Variants in HECW1 observed in about 807,000 individuals in gnomAD.
The protein encoded by HECW1 is HECT, C2 and WW domain containing E3 ubiquitin protein ligase 1.
In HECW1, 61 loss-of-function variants were observed where a neutral mutation model predicts 182.3. That is an observed-to-expected ratio of 0.33 (90% CI 0.27 to 0.41). HECW1 has a LOEUF of 0.41. HECW1 is among the 10% of genes least tolerant of loss of function. The pLI, the probability that HECW1 is intolerant of heterozygous loss-of-function variation, is 1.00. For missense variants in HECW1, 1,739 were observed against 2,108.9 expected, an observed-to-expected ratio of 0.82 and a Z score of 3.44; for synonymous variants, 859 against 832.6, an observed-to-expected ratio of 1.03 and a Z score of -0.55.
chr7:43,324,635 A>T (rs1810556392), intron 5 of HECW1, among the ~76,000 whole-genome samples: 1 of 152,190 alleles, frequency 6.6e-6, no homozygotes, highest in African/African-American at 2.4e-5. Flanking sequence ...ATGAACTAAA[A>T]ATAAGACTCT....
chr7:43,221,661 C>A (rs1796984656), intron 2 of HECW1, among the ~76,000 whole-genome samples: 1 of 141,330 alleles, frequency 7.1e-6, no homozygotes, highest in South Asian at 2.3e-4. Context: ...TCATGTCATT[C>A]TCCTGCCTCA....
At position 43,469,001 on chromosome 7, in the gene HECW1, C is replaced by T. The variant is rs760980182; in HGVS notation, c.2995C>T (p.Arg999Cys). The change falls in exon 16 of 30, where the codon CGC (arginine) becomes TGC (cysteine). Residue 999 changes from arginine (R) to cysteine (C), a missense_variant. Arg to Cys is a radical substitution (Grantham distance 180, BLOSUM62 -3). This residue lies in a region of HECW1 where 971 missense variants were observed against 1,029.1 expected (regional missense o/e 0.94). Transcript: ENST00000395891. ...CCGACGGGATGCTCGCAATTTTGAA[C>T]GCTACCAGCACAACCGGGACTTGGT... Reference protein sequence around the residue: ...KVRRDARNFERYQHNRDLVNF... With the variant: ...KVRRDARNFECYQHNRDLVNF... The T allele has an allele frequency of 6.8e-6, 11 of 1,614,062 alleles. No individual in the cohort carries two copies. Among genetic ancestry groups the T allele is most frequent in the East Asian group, 2.2e-5 (1 of 44,890 alleles).
At chr7:43,474,085 A>G (rs539933513) in intron 16 of HECW1, among the ~76,000 whole-genome samples, 6 of 152,304 alleles carry the variant, frequency 3.9e-5, no homozygotes, top group Non-Finnish European at 8.8e-5. Flanking sequence ...AAATATTAAT[A>G]TAGTGTGAAG....
At chr7:43,395,568 T>C (rs998597569) in intron 6 of HECW1, among the ~76,000 whole-genome samples, 6 of 152,246 alleles carry the variant, frequency 3.9e-5, no homozygotes, top group Admixed American at 1.3e-4. Flanking sequence ...CAATCTCTTA[T>C]CTGGCCTGGT....
chr7:43,136,224 C>A (rs1456191266), intron 2 of HECW1, among the ~76,000 whole-genome samples: 1 of 152,182 alleles, frequency 6.6e-6, no homozygotes, highest in Admixed American at 6.5e-5. Flanking sequence ...GGCTCTAGAC[C>A]TTGCCAAATT....
intron 8 of HECW1, among the ~76,000 whole-genome samples, chr7:43,427,212 A>T (rs12702042): frequency 4.6e-5 from 7 of 152,120 alleles, no homozygotes; most frequent in Admixed American, 2.6e-4. Context: ...AGTTTCCCCA[A>T]CTATGATCAA....
At chr7:43,429,238 C>T (rs1010997738) in intron 8 of HECW1, among the ~76,000 whole-genome samples, 2 of 145,082 alleles carry the variant, frequency 1.4e-5, no homozygotes, top group African/African-American at 5.1e-5. Flanking sequence ...AGTTTATTTG[C>T]TCTTATGCAA....
intron 6 of HECW1, among the ~76,000 whole-genome samples, chr7:43,364,331 T>C (rs1338375518): frequency 1.3e-5 from 2 of 152,216 alleles, no homozygotes; most frequent in African/African-American, 2.4e-5. Flanking sequence ...TAAAAAGAGG[T>C]TGTCTTCTAC....
intron 2 of HECW1, among the ~76,000 whole-genome samples, chr7:43,226,538 C>T (rs966712930): frequency 6.6e-6 from 1 of 152,200 alleles, no homozygotes; most frequent in Middle Eastern, 3.2e-3. Flanking sequence ...AACATTGTCA[C>T]TCAACTGACA....
intron 26 of HECW1, among the ~76,000 whole-genome samples, chr7:43,548,555 A>G (rs1205604062): frequency 6.6e-6 from 1 of 152,240 alleles, no homozygotes; most frequent in Non-Finnish European, 1.5e-5. Flanking sequence ...CAGGTGAAAG[A>G]CACCGTAGGC....
chr7:43,460,551 C>T (rs996858374), intron 13 of HECW1, among the ~76,000 whole-genome samples: 8 of 150,788 alleles, frequency 5.3e-5, no homozygotes, highest in African/African-American at 9.7e-5. Flanking sequence ...CGTGTGTGTG[C>T]GTGTGTGCGT....
intron 2 of HECW1, among the ~76,000 whole-genome samples, chr7:43,157,982 T>C (rs1265208961): frequency 6.6e-6 from 1 of 152,266 alleles, no homozygotes; most frequent in African/African-American, 2.4e-5. Flanking sequence ...AGATGTAGTC[T>C]AGTACAGATA....
chr7:43,476,819 C>T (rs993133476), intron 16 of HECW1, among the ~76,000 whole-genome samples: 44 of 152,114 alleles, frequency 2.9e-4, no homozygotes, highest in African/African-American at 1.1e-3. Flanking sequence ...ATTAACTCAC[C>T]TAAACTAAAG....
Position 43,232,077 on chromosome 7 carries a change from C to T in HECW1, c.-31-11798C>T, listed in dbSNP as rs184350258. ...TGGAGGAATTTGATCCCAGAGTTGA[C>T]AGTAATTGGAGAAAACTGATTGTAA... On this transcript the variant is annotated intron_variant, in intron 2 of 29. Coordinates refer to ENST00000395891, the MANE Select transcript of HECW1 (RefSeq NM_015052.5). Among the ~76,000 whole-genome samples, 655 of 148,072 alleles carry T rather than the reference C, an allele frequency of 4.4e-3. 4 individuals carry two copies. The highest frequency in any genetic ancestry group is 0.017 in the South Asian group (78 of 4,642).
rs371188788 is a variant in HECW1, at chr7:43,163,732, T to A, written c.-32+49341T>A. Among the ~76,000 whole-genome samples, 8 of 152,262 alleles carry A rather than the reference T, an allele frequency of 5.3e-5. No homozygotes were observed. In the South Asian group the frequency reaches 1.7e-3, roughly 32 times the overall value. On this transcript the variant is annotated intron_variant, in intron 2 of 29. Coordinates refer to ENST00000395891, the MANE Select transcript of HECW1 (RefSeq NM_015052.5). The stretch of plus-strand genomic sequence containing the variant: ...TTTAATTCTTCCTAATCTTGTTCAT[T>A]CCCTCCTTGCCTGCTACATGTGGCT...
chr7:43,455,127 C>CTT (rs139339162), intron 12 of HECW1, among the ~76,000 whole-genome samples: 5,002 of 151,364 alleles, frequency 0.033, 268 homozygotes, highest in African/African-American at 0.11. Flanking sequence ...TTTTTGTTTT[C>CTT]TTTTTTTTTG....
intron 5 of HECW1, among the ~76,000 whole-genome samples, chr7:43,328,548 C>T (rs879452756): frequency 1.3e-5 from 2 of 152,138 alleles, no homozygotes; most frequent in Non-Finnish European, 2.9e-5. Context: ...AGGGCCCAGC[C>T]CACGTGGGAA....
At chr7:43,552,645 C>A (rs1337469704) in intron 28 of HECW1, among the ~76,000 whole-genome samples, 1 of 152,160 alleles carries the variant, frequency 6.6e-6, no homozygotes, top group Non-Finnish European at 1.5e-5. Context: ...CTGGATATGC[C>A]ATATAAATAG....
intron 2 of HECW1, among the ~76,000 whole-genome samples, chr7:43,192,944 C>CAGAG (rs1468012972): frequency 6.6e-6 from 1 of 152,156 alleles, no homozygotes; most frequent in Non-Finnish European, 1.5e-5. Flanking sequence ...ACTCCATAGG[C>CAGAG]AGAGCAGCCC....
Sources: allele counts gnomAD v4.1 joint callset (sites outside exome capture counted in the v4.1 genomes callset), GRCh38; gene constraint gnomAD v4.1.1; regional missense constraint gnomAD v4.1.1; transcripts MANE v1.5; gene names NCBI Gene and HGNC (gene_info 2026-07-23, HGNC 2026-07-21).